RFTN1: variants seen among roughly 807,000 people sequenced by gnomAD.
RFTN1 encodes the protein raftlin, lipid raft linker 1.
In RFTN1, 26 loss-of-function variants were observed where a neutral mutation model predicts 46.5. The observed-to-expected ratio is 0.56, with a 90% CI of 0.41 to 0.78. RFTN1 has a LOEUF of 0.78. Ranked by LOEUF, RFTN1 falls within the 30% of genes least tolerant of loss-of-function variation. RFTN1 has a pLI of 0.00. For synonymous variants in RFTN1, 261 were observed against 284.2 expected (o/e 0.92, Z 0.82); for missense variants, 693 against 718.7 (o/e 0.96, Z 0.41).
intron 6 of RFTN1, among the ~76,000 whole-genome samples, chr3:16,362,124 C>T (rs1379086424): frequency 2.0e-5 from 3 of 152,186 alleles, no homozygotes; most frequent in Admixed American, 6.5e-5. Flanking sequence ...AAGGCCTAAC[C>T]GGTTCAACAA....
At chr3:16,496,080 G>C (rs1031106806) in intron 1 of RFTN1, among the ~76,000 whole-genome samples, 4 of 152,242 alleles carry the variant, frequency 2.6e-5, no homozygotes. Flanking sequence ...CCACATTAAA[G>C]AGTGAAAAGG....
At position 16,352,362 on chromosome 3, in the gene RFTN1, G is replaced by A. The variant is rs116966342; in HGVS notation, c.1146+5570C>T. Among the ~76,000 whole-genome samples, 36 of 152,302 alleles carry A rather than the reference G, an allele frequency of 2.4e-4. No individual in the cohort carries two copies. In the East Asian group the frequency reaches 6.8e-3, roughly 29 times the overall value. Reference sequence around the variant, plus strand: ...ATAAACAGATTCAGAGGGAAGAAGAGGGTCTCTGTATCTTGCTCTTTACCT... The same window carrying A: ...ATAAACAGATTCAGAGGGAAGAAGAAGGTCTCTGTATCTTGCTCTTTACCT... On this transcript the variant is annotated intron_variant, in intron 7 of 9. Coordinates refer to ENST00000334133, the MANE Select transcript of RFTN1 (RefSeq NM_015150.2). The surrounding 1 kb of genome is among the most constrained non-coding windows in gnomAD (Gnocchi z 4.6).
chr3:16,363,776 A>G (rs1017001502), intron 6 of RFTN1, among the ~76,000 whole-genome samples: 1 of 151,672 alleles, frequency 6.6e-6, no homozygotes, highest in Non-Finnish European at 1.5e-5. Flanking sequence ...AGCTGGCATA[A>G]CAGATCCTCT....
chr3:16,375,214 C>T (rs1245261322), intron 5 of RFTN1, among the ~76,000 whole-genome samples: 2 of 151,758 alleles, frequency 1.3e-5, no homozygotes, highest in African/African-American at 2.4e-5. Flanking sequence ...TGGGGGGGCC[C>T]GTGTGTGCCT....
At chr3:16,399,927 G>C (rs1160863048) in intron 4 of RFTN1, among the ~76,000 whole-genome samples, 12 of 152,106 alleles carry the variant, frequency 7.9e-5, no homozygotes, top group African/African-American at 2.7e-4. Flanking sequence ...TCTCTGTCAA[G>C]ACGCTCCACC....
At position 16,458,852 on chromosome 3, in the gene RFTN1, C is replaced by T. The variant is rs536988106; in HGVS notation, c.146-24815G>A. Among the ~76,000 whole-genome samples the T allele has an allele frequency of 1.6e-4, 25 of 152,256 alleles. No homozygotes were observed. Among genetic ancestry groups the T allele is most frequent in the African/African-American group, 5.8e-4 (24 of 41,546 alleles). On this transcript the variant is annotated intron_variant, in intron 2 of 9. Coordinates refer to ENST00000334133, the MANE Select transcript of RFTN1 (RefSeq NM_015150.2). This position sits in a 1 kb window ranked among gnomAD's most constrained non-coding sequence, Gnocchi z 5.1. ...CTGTTTTTCTAGCAGATTAGAAGTA[C>T]AAAAATCAGGGGAGTCATCTGAAAA... is the stretch of plus-strand genomic sequence containing the variant.
rs1403469841 is a variant in RFTN1, at chr3:16,384,622, A to G, written c.442-6520T>C. 1.3e-5 allele frequency among the ~76,000 whole-genome samples: 2 copies of G among 152,248 alleles called. No individual in the cohort carries two copies. Among genetic ancestry groups the G allele is most frequent in the Admixed American group, 1.3e-4 (2 of 15,286 alleles). Reference sequence around the variant, plus strand: ...GATGGATTTATTTTCTACAAGTTACATAATAAACTTAATGAAATGCCTGTA... The same window carrying G: ...GATGGATTTATTTTCTACAAGTTACGTAATAAACTTAATGAAATGCCTGTA... On this transcript the variant is annotated intron_variant, in intron 4 of 9. Transcript: ENST00000334133. This position sits in a 1 kb window ranked among gnomAD's most constrained non-coding sequence, Gnocchi z 4.7.
chr3:16,371,245 C>T (rs1338406650), intron 5 of RFTN1, among the ~76,000 whole-genome samples: 1 of 152,218 alleles, frequency 6.6e-6, no homozygotes, highest in Non-Finnish European at 1.5e-5. Context: ...CAATGGTTGA[C>T]ATTAGCAAGA....
chr3:16,499,246 T>C lies in RFTN1; in HGVS notation c.-8-5369A>G, dbSNP rs1007243540. ...ACTGACATTCCTCCTATTGAGCCTATTGAGAGGTGAGGTCTATGTCAATTA... is the reference window on the plus strand; with the variant it reads ...ACTGACATTCCTCCTATTGAGCCTACTGAGAGGTGAGGTCTATGTCAATTA... On this transcript the variant is annotated intron_variant, in intron 1 of 9. Coordinates refer to ENST00000334133, the MANE Select transcript of RFTN1 (RefSeq NM_015150.2). This position sits in a 1 kb window ranked among gnomAD's most constrained non-coding sequence, Gnocchi z 4.9. Among the ~76,000 whole-genome samples the C allele has an allele frequency of 2.6e-5, 4 of 152,156 alleles. No individual in the cohort carries two copies. Among genetic ancestry groups the C allele is most frequent in the Non-Finnish European group, 5.9e-5 (4 of 68,014 alleles).
At chr3:16,391,238 T>C (rs956294349) in intron 4 of RFTN1, among the ~76,000 whole-genome samples, 1 of 152,212 alleles carries the variant, frequency 6.6e-6, no homozygotes, top group Admixed American at 6.5e-5. Flanking sequence ...AAGTAATTAA[T>C]TAGATGGGAA....
chr3:16,437,832 CA>C (rs1179432315), intron 2 of RFTN1, among the ~76,000 whole-genome samples: 2 of 152,082 alleles, frequency 1.3e-5, no homozygotes, highest in African/African-American at 2.4e-5. Flanking sequence ...CCTCTTGTCC[CA>C]GAGCCTGCAA....
In RFTN1 at chr3:16,446,123, G is replaced by C. The variant is rs1005490056; in HGVS notation, c.146-12086C>G. ...AGTAGCACTCTCTCCGTCAAAGAAA[G>C]TCCAATGCAAACTGCTACCTGCAGT... On this transcript the variant is annotated intron_variant, in intron 2 of 9. Coordinates refer to ENST00000334133, the MANE Select transcript of RFTN1 (RefSeq NM_015150.2). This position sits in a 1 kb window ranked among gnomAD's most constrained non-coding sequence, Gnocchi z 4.5. Among the ~76,000 whole-genome samples the C allele has an allele frequency of 6.6e-6, 1 of 152,044 alleles. No individual in the cohort carries two copies. The highest frequency in any genetic ancestry group is 1.5e-5 in the Non-Finnish European group (1 of 68,018).
rs2076360609 is a variant in RFTN1, at chr3:16,481,175, C to T, written c.145+12550G>A. On this transcript the variant is annotated intron_variant, in intron 2 of 9. Coordinates refer to ENST00000334133, the MANE Select transcript of RFTN1 (RefSeq NM_015150.2). The surrounding 1 kb of genome is among the most constrained non-coding windows in gnomAD (Gnocchi z 5.1). ...TGCCTTCCTTCCTTTTAAATCTAAT[C>T]TTATTACTCCCATTAGTGAATATTT... Among the ~76,000 whole-genome samples, 1 of 152,186 alleles carries T rather than the reference C, an allele frequency of 6.6e-6. No homozygotes were observed. Among genetic ancestry groups the T allele is most frequent in the Non-Finnish European group, 1.5e-5 (1 of 68,042 alleles).
At chr3:16,510,496 C>A (rs971015360) in intron 1 of RFTN1, among the ~76,000 whole-genome samples, 2 of 152,150 alleles carry the variant, frequency 1.3e-5, no homozygotes, top group Admixed American at 1.3e-4. Flanking sequence ...AAGTTTAAAC[C>A]CATTTTCAGG....
Position 16,327,762 on chromosome 3 carries a change from A to C in RFTN1, c.1147-886T>G, listed in dbSNP as rs1435426074. On this transcript the variant is annotated intron_variant, in intron 7 of 9. Transcript: ENST00000334133. This position sits in a 1 kb window ranked among gnomAD's most constrained non-coding sequence, Gnocchi z 4.2. ...GGTGACAGAGCGGGATTCCCATCTC[A>C]AAAAAAAAAACAAAACGAAAAAAAC... Among the ~76,000 whole-genome samples the C allele has an allele frequency of 3.2e-5, 1 of 30,886 alleles. No homozygotes were observed. Among genetic ancestry groups the C allele is most frequent in the Non-Finnish European group, 8.2e-5 (1 of 12,176 alleles). The allele number at this position is 30,886 out of a possible 152,430, so 20.3% of individuals were successfully genotyped here.
intron 2 of RFTN1, among the ~76,000 whole-genome samples, chr3:16,437,704 T>G (rs940148482): frequency 2.6e-5 from 4 of 152,052 alleles, no homozygotes; most frequent in Non-Finnish European, 5.9e-5. Flanking sequence ...TTTTTTCCTT[T>G]CACTTTAAGC....
Position 16,341,561 on chromosome 3 carries a change from G to C in RFTN1, c.1147-14685C>G, listed in dbSNP as rs2071320704. Among the ~76,000 whole-genome samples the C allele has an allele frequency of 6.6e-6, 1 of 152,012 alleles. No homozygotes were observed. Among genetic ancestry groups the C allele is most frequent in the Admixed American group, 6.6e-5 (1 of 15,258 alleles). On this transcript the variant is annotated intron_variant, in intron 7 of 9. Transcript: ENST00000334133. The surrounding 1 kb of genome is among the most constrained non-coding windows in gnomAD (Gnocchi z 4.7). The stretch of plus-strand genomic sequence containing the variant: ...CTGGAAAAGGCTACATACTGTATGG[G>C]AACTCTGTAGATTCAGTTCAGTTTT...
In RFTN1 at chr3:16,368,913, C is replaced by G. The variant is rs575980653; in HGVS notation, c.1030+1163G>C. 5.3e-5 allele frequency among the ~76,000 whole-genome samples: 8 copies of G among 152,336 alleles called. No homozygotes were observed. The East Asian group carries it at 1.5e-3, about 29-fold the overall frequency. ...ACAAACACCTCCATCATCATGGGCACTTCTATTGGACAGCCCTGCTCTGGA... is the reference window on the plus strand; with the variant it reads ...ACAAACACCTCCATCATCATGGGCAGTTCTATTGGACAGCCCTGCTCTGGA... On this transcript the variant is annotated intron_variant, in intron 6 of 9. Coordinates refer to ENST00000334133, the MANE Select transcript of RFTN1 (RefSeq NM_015150.2).
chr3:16,430,361 C>T (rs556525648), intron 3 of RFTN1, among the ~76,000 whole-genome samples: 1 of 152,296 alleles, frequency 6.6e-6, no homozygotes, highest in South Asian at 2.1e-4. Context: ...AATCTTCTGC[C>T]TTGGTCTCCC....
Sources: gnomAD v4.1 joint callset for allele counts (sites outside exome capture counted in the v4.1 genomes callset) on GRCh38, gnomAD v4.1.1 for gene constraint, Gnocchi (gnomAD v3.1) non-coding constraint, MANE v1.5 for transcripts, NCBI Gene and HGNC (gene_info 2026-07-23, HGNC 2026-07-21) for gene names.